DLG2: variants seen among roughly 807,000 people sequenced by gnomAD.
The protein encoded by DLG2 is discs large MAGUK scaffold protein 2, also known as disks large homolog 2.
Under a neutral mutation model 132.5 loss-of-function variants are expected in DLG2, and 45 were observed. The ratio of observed to expected loss-of-function variants is 0.34; its 90% CI spans 0.27 to 0.44. DLG2 has a LOEUF of 0.44. DLG2 is among the 20% of genes least tolerant of loss of function. DLG2 has a pLI of 1.00. For missense variants in DLG2, 1,045 were observed against 1,196.9 expected (o/e 0.87, Z 1.87); for synonymous variants, 424 against 419.6 (o/e 1.01, Z -0.13).
At chr11:83,612,152 A>G (rs1359556907) in intron 19 of DLG2, among the ~76,000 whole-genome samples, 1 of 151,778 alleles carries the variant, frequency 6.6e-6, no homozygotes, top group Non-Finnish European at 1.5e-5. Flanking sequence ...ATCTGTCCCC[A>G]CCCCCTCCTC....
intron 11 of DLG2, among the ~76,000 whole-genome samples, chr11:84,025,256 G>A (rs1428454521): frequency 6.6e-6 from 1 of 152,122 alleles, no homozygotes; most frequent in African/African-American, 2.4e-5. Flanking sequence ...GGAGGAGCAA[G>A]TCACATCTTA....
rs571890231 is a variant in DLG2, at chr11:84,824,052, G to A, written c.357+287609C>T. Among the ~76,000 whole-genome samples the A allele has an allele frequency of 1.3e-4, 19 of 151,992 alleles. 1 individual carries two copies. The highest frequency in any genetic ancestry group is 3.6e-4 in the African/African-American group (15 of 41,520). On this transcript the variant is annotated intron_variant, in intron 6 of 27. Coordinates refer to ENST00000376104, the MANE Select transcript of DLG2 (RefSeq NM_001142699.3). ...TGGAACTAACAAACTGGCATTGGGG[G>A]TTTCAACAGCATTCTTTCCTTCTTG...
In DLG2 at chr11:84,251,897, C is replaced by T. The variant is rs2154351264; in HGVS notation, c.520-606G>A. On this transcript the variant is annotated intron_variant, in intron 7 of 27. Transcript: ENST00000376104. Reference sequence around the variant, plus strand: ...TTGTGATCTACCCACCTCGGACTCCCAAAGTGCTGGGATTATAGGCATGAG... The same window carrying T: ...TTGTGATCTACCCACCTCGGACTCCTAAAGTGCTGGGATTATAGGCATGAG... Among the ~76,000 whole-genome samples the T allele has an allele frequency of 2.0e-5, 3 of 151,930 alleles. No homozygotes were observed. In the South Asian group the frequency reaches 6.2e-4, roughly 32 times the overall value.
At chr11:84,362,650 C>T (rs1430571953) in intron 7 of DLG2, among the ~76,000 whole-genome samples, 1 of 152,124 alleles carries the variant, frequency 6.6e-6, no homozygotes, top group South Asian at 2.1e-4. Flanking sequence ...CCAATGCTAT[C>T]CCTCCCCACT....
chr11:84,694,370 A>T (rs2058388973), intron 6 of DLG2, among the ~76,000 whole-genome samples: 1 of 151,686 alleles, frequency 6.6e-6, no homozygotes, highest in Non-Finnish European at 1.5e-5. Flanking sequence ...GTAATTTGAG[A>T]ATACAGCTTT....
intron 7 of DLG2, among the ~76,000 whole-genome samples, chr11:84,466,310 C>A (rs1219317389): frequency 6.6e-6 from 1 of 151,254 alleles, no homozygotes; most frequent in East Asian, 2.0e-4. Flanking sequence ...AACTATGATG[C>A]AAACATATGT....
rs1555380667 is a variant in DLG2 at position 83,753,795 on chromosome 11, G to GATATGGCAT, written c.1825+32894_1825+32895insATGCCATAT. Among the ~76,000 whole-genome samples the GATATGGCAT allele has an allele frequency of 5.8e-3, 590 of 101,192 alleles. 81 individuals are homozygous for GATATGGCAT. The highest frequency in any genetic ancestry group is 0.029 in the African/African-American group (528 of 18,298). 66.4% of individuals were successfully genotyped at this position (101,192 alleles called of 152,430 possible). On this transcript the variant is annotated intron_variant, in intron 18 of 27. Coordinates refer to ENST00000376104, the MANE Select transcript of DLG2 (RefSeq NM_001142699.3). ...TATGGCATATATATGTCATATATAT[G>GATATGGCAT]ATATATCATATATATCATATATATA...
At chr11:84,213,616 A>T (rs2096787293) in intron 8 of DLG2, among the ~76,000 whole-genome samples, 1 of 152,040 alleles carries the variant, frequency 6.6e-6, no homozygotes, top group Admixed American at 6.6e-5. Context: ...TCAGGAGATC[A>T]AGACCATCCT....
rs12287166 is a variant in DLG2, at chr11:84,739,115, G to A, written c.358-204384C>T. ...AATTATCTGGAACTCTAATGTGGCA[G>A]TGGTTTCTCAGATGTACATGTCTAT... On this transcript the variant is annotated intron_variant, in intron 6 of 27. Transcript: ENST00000376104. Among the ~76,000 whole-genome samples the A allele has an allele frequency of 1.7e-3, 266 of 152,214 alleles. 1 individual carries two copies. The highest frequency in any genetic ancestry group is 5.9e-3 in the African/African-American group (247 of 41,536).
chr11:83,473,694 G>A (rs182330103), intron 22 of DLG2, among the ~76,000 whole-genome samples: 23 of 152,122 alleles, frequency 1.5e-4, no homozygotes, highest in African/African-American at 4.8e-4. Flanking sequence ...TAGTGGAGCA[G>A]AAGTGGAATA....
At chr11:83,609,535 A>G (rs2153404458) in intron 19 of DLG2, among the ~76,000 whole-genome samples, 1 of 152,326 alleles carries the variant, frequency 6.6e-6, no homozygotes, top group Admixed American at 6.5e-5. Context: ...TGATTTTACG[A>G]GATTATCTAA....
intron 19 of DLG2, among the ~76,000 whole-genome samples, chr11:83,617,698 C>T (rs1425981452): frequency 2.0e-5 from 3 of 152,162 alleles, no homozygotes; most frequent in Admixed American, 1.3e-4. Context: ...AGGGAAAAAG[C>T]TTCCAAAATT....
At chr11:83,979,496 A>C (rs762244281) in intron 12 of DLG2, among the ~76,000 whole-genome samples, 1 of 152,204 alleles carries the variant, frequency 6.6e-6, no homozygotes. Flanking sequence ...GTAAATGGAC[A>C]TAAGGCAGTT....
intron 18 of DLG2, among the ~76,000 whole-genome samples, chr11:83,726,762 A>G (rs1036708955): frequency 6.6e-6 from 1 of 151,936 alleles, no homozygotes; most frequent in Non-Finnish European, 1.5e-5. Context: ...CAAACAAACA[A>G]ACAAACAAAC....
chr11:84,088,502 T>C (rs1049575576), intron 10 of DLG2, among the ~76,000 whole-genome samples: 1 of 152,238 alleles, frequency 6.6e-6, no homozygotes, highest in African/African-American at 2.4e-5. Flanking sequence ...AAACTCCAGC[T>C]GCGAAAGACT....
At chr11:84,223,324 C>T (rs868505517) in intron 8 of DLG2, among the ~76,000 whole-genome samples, 14 of 151,988 alleles carry the variant, frequency 9.2e-5, no homozygotes, top group African/African-American at 1.5e-4. Flanking sequence ...TGTTTTTCTG[C>T]GCATGGGATT....
intron 6 of DLG2, among the ~76,000 whole-genome samples, chr11:84,945,765 G>A (rs1235119379): frequency 6.6e-6 from 1 of 152,126 alleles, no homozygotes; most frequent in Non-Finnish European, 1.5e-5. Context: ...CCTTGCTGGT[G>A]TATCACTAGG....
chr11:84,552,066 C>G (rs1464484428), intron 6 of DLG2, among the ~76,000 whole-genome samples: 1 of 152,182 alleles, frequency 6.6e-6, no homozygotes, highest in Non-Finnish European at 1.5e-5. Context: ...AGCAGTGATA[C>G]TACAGCTGTA....
chr11:84,101,053 C>T (rs2092476390), intron 9 of DLG2, among the ~76,000 whole-genome samples: 3 of 152,108 alleles, frequency 2.0e-5, no homozygotes, highest in Non-Finnish European at 4.4e-5. Context: ...TATTAGCACT[C>T]ATATAATCAT....
Sources: gnomAD v4.1 joint callset for allele counts (sites outside exome capture counted in the v4.1 genomes callset) on GRCh38, gnomAD v4.1.1 for gene constraint, MANE v1.5 for transcripts, NCBI Gene and HGNC (gene_info 2026-07-23, HGNC 2026-07-21) for gene names.